Variants in MGST1 observed in about 807,000 individuals in gnomAD.
The protein encoded by MGST1 is glutathione S-transferase 12.
A neutral mutation model predicts 8.9 loss-of-function variants in MGST1; 5 were observed. The ratio of observed to expected loss-of-function variants is 0.56; its 90% CI spans 0.29 to 1.19. The LOEUF (loss-of-function observed/expected upper bound fraction) is 1.19, where lower values mean the gene tolerates loss of function less well. MGST1 is among the 50% of genes most tolerant of loss of function. The pLI is 0.08. For missense variants in MGST1, 182 were observed against 187.4 expected (o/e 0.97, Z 0.17); for synonymous variants, 54 against 67.8 (o/e 0.80, Z 1.00).
downstream of MGST1, among the ~76,000 whole-genome samples, chr12:16,590,867 C>A (rs1211663062): frequency 6.6e-6 from 1 of 151,958 alleles, no homozygotes; most frequent in East Asian, 1.9e-4. Context: ...AATCCAGAAG[C>A]CTATTTTCAA....
intron 1 of MGST1, among the ~76,000 whole-genome samples, chr12:16,392,395 C>T (rs1940560858): frequency 6.6e-6 from 1 of 152,134 alleles, no homozygotes. Context: ...ATTACTTTCT[C>T]AGTAATATCA....
At chr12:16,534,221 C>T (rs1444146898) in intron 4 of MGST1, among the ~76,000 whole-genome samples, 1 of 152,126 alleles carries the variant, frequency 6.6e-6, no homozygotes, top group Non-Finnish European at 1.5e-5. Context: ...AATCAATAAC[C>T]TTTATGTAGT....
chr12:16,447,359 A>G (rs1941088552), intron 4 of MGST1, among the ~76,000 whole-genome samples: 1 of 151,956 alleles, frequency 6.6e-6, no homozygotes, highest in African/African-American at 2.4e-5. Flanking sequence ...TGCTTTTGAT[A>G]TAATTTAACC....
chr12:16,463,345 C>T (rs1367087878), intron 4 of MGST1, among the ~76,000 whole-genome samples: 1 of 148,002 alleles, frequency 6.8e-6, no homozygotes, highest in Non-Finnish European at 1.5e-5. Flanking sequence ...CAACCATGTC[C>T]AGCTTCACTT....
At chr12:16,355,304 G>C (rs1939667771) in intron 2 of MGST1, among the ~76,000 whole-genome samples, 1 of 151,334 alleles carries the variant, frequency 6.6e-6, no homozygotes, top group South Asian at 2.1e-4. Flanking sequence ...TGCCTCCTGG[G>C]TTCAAGTGCT....
chr12:16,445,086 T>C (rs1311114474), intron 4 of MGST1, among the ~76,000 whole-genome samples: 1 of 151,700 alleles, frequency 6.6e-6, no homozygotes. Context: ...ACCGCAGGGA[T>C]TTTTTGTACA....
chr12:16,442,004 T>TTC, downstream of MGST1, among the ~76,000 whole-genome samples: 1 of 151,980 alleles, frequency 6.6e-6, no homozygotes, highest in East Asian at 1.9e-4. This position sits in a 1 kb window ranked among gnomAD's most constrained non-coding sequence, Gnocchi z 4.5. Context: ...ATTTTGGGCA[T>TTC]TCTAATACGT....
rs1334603226 is a variant in MGST1, at chr12:16,576,595, G to A, written n.483-12933G>A. 6.6e-6 allele frequency among the ~76,000 whole-genome samples: 1 copy of A among 152,092 alleles called. No homozygotes were observed. The highest frequency in any genetic ancestry group is 2.4e-5 in the African/African-American group (1 of 41,400). ...ATCTGTATCAGTTACGTACCTGTTT[G>A]TCTCTTTCTCACTACATAATAAGCT... On this transcript the variant is annotated intron_variant and non_coding_transcript_variant, in intron 4 of 4. Coordinates refer to the MGST1 transcript ENST00000538857. The surrounding 1 kb of genome is among the most constrained non-coding windows in gnomAD (Gnocchi z 4.1).
downstream of MGST1, among the ~76,000 whole-genome samples, chr12:16,380,648 G>A (rs1940444226): frequency 2.6e-5 from 4 of 152,320 alleles, no homozygotes; most frequent in South Asian, 6.2e-4. Flanking sequence ...TTCTGTAGAT[G>A]TCTATTAGGT....
At chr12:16,520,759 A>T (rs1373949330) in intron 4 of MGST1, among the ~76,000 whole-genome samples, 1 of 152,188 alleles carries the variant, frequency 6.6e-6, no homozygotes, top group Non-Finnish European at 1.5e-5. Flanking sequence ...GCACTGTGAA[A>T]AGGTTATTTA....
chr12:16,409,732 T>C (rs553470876), intron 1 of MGST1, among the ~76,000 whole-genome samples: 11 of 152,204 alleles, frequency 7.2e-5, no homozygotes, highest in African/African-American at 2.6e-4. Flanking sequence ...GCCAGCGCTT[T>C]TTGCCCAGAA....
chr12:16,392,943 C>T (rs1940567057), intron 1 of MGST1, among the ~76,000 whole-genome samples: 1 of 152,070 alleles, frequency 6.6e-6, no homozygotes, highest in South Asian at 2.1e-4. Context: ...AGACATTTAT[C>T]TATATCCCAC....
chr12:16,402,378 T>C (rs1940664782), intron 1 of MGST1: 1 of 1,604,316 alleles, frequency 6.2e-7, no homozygotes, highest in Admixed American at 1.7e-5. Flanking sequence ...TACAGTCTCT[T>C]CACTCACCGA....
chr12:16,358,361 C>G (rs984061702), intron 3 of MGST1, among the ~76,000 whole-genome samples: 2 of 152,086 alleles, frequency 1.3e-5, no homozygotes, highest in Non-Finnish European at 2.9e-5. Context: ...TGTTTAGTTC[C>G]CACTTATAGG....
At chr12:16,563,878 T>C (rs1327206525) in intron 4 of MGST1, among the ~76,000 whole-genome samples, 2 of 152,222 alleles carry the variant, frequency 1.3e-5, no homozygotes, top group East Asian at 1.9e-4. Context: ...CATTTTAAGA[T>C]GTCTTATAGA....
intron 4 of MGST1, among the ~76,000 whole-genome samples, chr12:16,473,889 C>T (rs1941304044): frequency 6.6e-6 from 1 of 151,990 alleles, no homozygotes; most frequent in Admixed American, 6.6e-5. Context: ...TCAAAATAAA[C>T]AAATAAATAA....
At chr12:16,420,718 G>A (rs571442864) in intron 1 of MGST1, among the ~76,000 whole-genome samples, 29 of 152,090 alleles carry the variant, frequency 1.9e-4, no homozygotes, top group Admixed American at 1.6e-3. Flanking sequence ...TATAGGAAGC[G>A]GGGGTGATCT....
At chr12:16,487,843 T>C (rs1941409851) in intron 4 of MGST1, among the ~76,000 whole-genome samples, 1 of 152,042 alleles carries the variant, frequency 6.6e-6, no homozygotes, top group South Asian at 2.1e-4. Flanking sequence ...TTTGCAGAGA[T>C]GGGGTCTCAC....
At chr12:16,428,150 A>G (rs569356104) in intron 1 of MGST1, among the ~76,000 whole-genome samples, 129 of 151,954 alleles carry the variant, frequency 8.5e-4, no homozygotes, top group African/African-American at 3.1e-3. Flanking sequence ...ATTTATTTTC[A>G]TAAATGTCCC....
Sources: gnomAD v4.1 joint callset for allele counts (sites outside exome capture counted in the v4.1 genomes callset) on GRCh38, gnomAD v4.1.1 for gene constraint, Gnocchi (gnomAD v3.1) non-coding constraint, MANE v1.5 for transcripts, NCBI Gene and HGNC (gene_info 2026-07-23, HGNC 2026-07-21) for gene names.